Variants in CATSPERB observed in about 807,000 individuals in gnomAD.
CATSPERB encodes catsper channel auxiliary subunit beta.
In CATSPERB, 93 loss-of-function variants were observed where a neutral mutation model predicts 128.3. The observed-to-expected ratio is 0.72, with a 90% CI of 0.61 to 0.86. CATSPERB has a LOEUF of 0.86. Among genes scored for constraint, CATSPERB ranks in the 40% least tolerant of loss-of-function variants. The pLI is 0.00. For missense variants in CATSPERB, 1,153 were observed against 1,329.5 expected, an observed-to-expected ratio of 0.87 and a Z score of 2.06; for synonymous variants, 381 against 448.8, an observed-to-expected ratio of 0.85 and a Z score of 1.91.
intron 18 of CATSPERB, among the ~76,000 whole-genome samples, chr14:91,623,354 C>G (rs1163899730): frequency 6.6e-6 from 1 of 152,134 alleles, no homozygotes; most frequent in Non-Finnish European, 1.5e-5. Context: ...GACCAGGCCA[C>G]CCAATATCCT....
At chr14:91,691,589 G>T (rs1895472904) in intron 9 of CATSPERB, 34 bp from the exon 10 acceptor site, 10 of 1,573,238 alleles carry the variant, frequency 6.4e-6, no homozygotes, top group African/African-American at 1.4e-5. Flanking sequence ...ATTTTTGCTT[G>T]CATATCAGAA....
intron 22 of CATSPERB, chr14:91,603,052 T>C: frequency 1.3e-6 from 1 of 783,430 alleles, no homozygotes; most frequent in East Asian, 2.4e-5. Flanking sequence ...CTGTGTCTTT[T>C]GCCTTTTTGG....
At chr14:91,620,918 G>C (rs1708128091) in intron 19 of CATSPERB, among the ~76,000 whole-genome samples, 1 of 152,144 alleles carries the variant, frequency 6.6e-6, no homozygotes, top group Admixed American at 6.6e-5. Flanking sequence ...TGTTGTTCAA[G>C]GGTCAACTGT....
chr14:91,666,063 C>T (rs1361768835), intron 14 of CATSPERB, among the ~76,000 whole-genome samples: 1 of 152,104 alleles, frequency 6.6e-6, no homozygotes, highest in Admixed American at 6.5e-5. Context: ...GAGGCTGTTG[C>T]CCCTTCACTC....
At position 91,587,477 on chromosome 14, in the gene CATSPERB, C is replaced by CTTTTTTTTTTTTTT. The variant is rs3029803; in HGVS notation, c.3058-215_3058-202dup. On this transcript the variant is annotated intron_variant, in intron 25 of 26. Coordinates refer to ENST00000256343, the MANE Select transcript of CATSPERB (RefSeq NM_024764.4). The stretch of plus-strand genomic sequence containing the variant: ...AAGTGGAGGGATTCAATAGCTGATA[C>CTTTTTTTTTTTTTT]TTTTTTTTTTTTTTTTTTTTTTTTT... Among the ~76,000 whole-genome samples, 212 of 101,522 alleles carry CTTTTTTTTTTTTTT rather than the reference C, an allele frequency of 2.1e-3. 15 individuals are homozygous for CTTTTTTTTTTTTTT. Among genetic ancestry groups the CTTTTTTTTTTTTTT allele is most frequent in the African/African-American group, 3.0e-3 (81 of 26,618 alleles). 66.6% of individuals were successfully genotyped at this position (101,522 alleles called of 152,430 possible). A position where few individuals can be genotyped will look rare whatever the true frequency, so the allele number is the denominator to read the frequency against.
At chr14:91,702,364 GT>G (rs1288030325) in intron 7 of CATSPERB, among the ~76,000 whole-genome samples, 4 of 150,202 alleles carry the variant, frequency 2.7e-5, no homozygotes, top group Non-Finnish European at 5.9e-5. Context: ...AAAAATCGCG[GT>G]TTTTGCCATT....
chr14:91,670,431 A>C (rs1895067643), intron 13 of CATSPERB, among the ~76,000 whole-genome samples: 1 of 151,720 alleles, frequency 6.6e-6, no homozygotes, highest in Admixed American at 6.6e-5. Context: ...TAATCTCAGC[A>C]CTTTGGGAGG....
chr14:91,626,258 TA>T (rs1426355708), intron 17 of CATSPERB, among the ~76,000 whole-genome samples: 1 of 151,528 alleles, frequency 6.6e-6, no homozygotes, highest in African/African-American at 2.4e-5. Flanking sequence ...TTCCCTCAAT[TA>T]AAAAAATTAT....
intron 7 of CATSPERB, 37 bp downstream of exon 7, chr14:91,704,515 A>G (rs1566736160): frequency 6.4e-7 from 1 of 1,563,078 alleles, no homozygotes. Flanking sequence ...AAAATATAAA[A>G]GGCCAATGTC....
At chr14:91,717,842 C>T (rs540678355) in intron 5 of CATSPERB, among the ~76,000 whole-genome samples, 22 of 152,322 alleles carry the variant, frequency 1.4e-4, no homozygotes, top group Non-Finnish European at 3.1e-4. Flanking sequence ...TACCTCTGAA[C>T]ATTTTTCCCC....
chr14:91,682,751 A>G (rs1895305513), intron 11 of CATSPERB, among the ~76,000 whole-genome samples: 1 of 152,184 alleles, frequency 6.6e-6, no homozygotes, highest in Non-Finnish European at 1.5e-5. Flanking sequence ...TTTTTCCCCC[A>G]GGCAGTGACC....
At chr14:91,623,017 C>A (rs1411434648) in intron 18 of CATSPERB, among the ~76,000 whole-genome samples, 1 of 151,862 alleles carries the variant, frequency 6.6e-6, no homozygotes, top group Non-Finnish European at 1.5e-5. Context: ...GCCTCAGCCT[C>A]CCAAGTAGCT....
intron 15 of CATSPERB, among the ~76,000 whole-genome samples, chr14:91,645,821 G>T (rs1307418868): frequency 6.6e-6 from 1 of 150,490 alleles, no homozygotes; most frequent in East Asian, 2.0e-4. Flanking sequence ...CTGCTGCCTT[G>T]CAGTTTGATC....
At chr14:91,624,786 A>T (rs767270736) in intron 18 of CATSPERB, 34 bp downstream of exon 18, 1 of 1,420,628 alleles carries the variant, frequency 7.0e-7, no homozygotes, top group Non-Finnish European at 9.4e-7. Flanking sequence ...ATTTTTTTCT[A>T]GCCATCAGAG....
chr14:91,655,338 A>C (rs113790371), intron 15 of CATSPERB, among the ~76,000 whole-genome samples: 18 of 152,372 alleles, frequency 1.2e-4, no homozygotes, highest in African/African-American at 4.1e-4. Context: ...AAGGAACAAA[A>C]TAAGGCACCA....
rs1894046998 is a variant in CATSPERB at position 91,621,719 on chromosome 14, G to T, written c.2149C>A (p.Pro717Thr). ...NGRTWKIYSKPCNYWFQHDDS... is the reference protein window; with the variant it reads ...NGRTWKIYSKTCNYWFQHDDS... ...TCATGTTGAAACCAATAATTACATG[G>T]TTTTGAATATATTTTCCATGTTCGT... is the stretch of plus-strand genomic sequence containing the variant. The change falls in exon 19 of 27, where the codon CCA (proline) becomes ACA (threonine). Residue 717 changes from proline to threonine, a missense_variant. Physicochemically the swap from Pro to Thr is conservative, Grantham distance 38. Transcript: ENST00000256343. 6.2e-7 allele frequency: 1 copy of T among 1,613,854 alleles called. No individual in the cohort carries two copies. The highest frequency in any genetic ancestry group is 8.5e-7 in the Non-Finnish European group (1 of 1,179,770).
At chr14:91,678,872 A>C (rs897350120) in intron 11 of CATSPERB, among the ~76,000 whole-genome samples, 1 of 152,198 alleles carries the variant, frequency 6.6e-6, no homozygotes, top group African/African-American at 2.4e-5. Flanking sequence ...TGAATCTTCT[A>C]AGTTGTCAGC....
intron 11 of CATSPERB, among the ~76,000 whole-genome samples, chr14:91,681,260 G>A (rs1247953828): frequency 1.3e-5 from 2 of 152,102 alleles, no homozygotes; most frequent in Admixed American, 6.6e-5. Context: ...ATATTCTATA[G>A]TTAACATCTG....
At chr14:91,614,526 G>T (rs1202921229) in intron 20 of CATSPERB, among the ~76,000 whole-genome samples, 2 of 152,052 alleles carry the variant, frequency 1.3e-5, no homozygotes, top group African/African-American at 4.8e-5. Flanking sequence ...AGCCAGGAAT[G>T]GTGGGCCTTT....
Sources: allele counts gnomAD v4.1 joint callset (sites outside exome capture counted in the v4.1 genomes callset), GRCh38; gene constraint gnomAD v4.1.1; transcripts MANE v1.5; gene names NCBI Gene and HGNC (gene_info 2026-07-23, HGNC 2026-07-21).